CEP41: variants seen among roughly 807,000 people sequenced by gnomAD.
The protein encoded by CEP41 is centrosomal protein of 41 kDa.
Under a neutral mutation model 44.3 loss-of-function variants are expected in CEP41, and 32 were observed. That is an observed-to-expected ratio of 0.72 (90% CI 0.54 to 0.97). The LOEUF (loss-of-function observed/expected upper bound fraction) is 0.97, where lower values mean the gene tolerates loss of function less well. CEP41 is among the 50% of genes least tolerant of loss of function. The probability of loss-of-function intolerance (pLI) is 0.00; values close to 1 mark genes in which losing one functional copy is unlikely to be tolerated. For missense variants in CEP41, 432 were observed against 455.2 expected (o/e 0.95, Z 0.46); for synonymous variants, 151 against 168.5 (o/e 0.90, Z 0.80).
intron 1 of CEP41, 34 bp from the exon 2 acceptor site, chr7:130,428,052 T>C (rs1797715667): frequency 7.3e-7 from 1 of 1,372,652 alleles, no homozygotes; most frequent in Non-Finnish European, 1.0e-6. Flanking sequence ...TTAATTGGGT[T>C]AATGTAAGGA....
chr7:130,405,812 A>C (rs1796991112), intron 5 of CEP41, among the ~76,000 whole-genome samples: 1 of 152,238 alleles, frequency 6.6e-6, no homozygotes, highest in Non-Finnish European at 1.5e-5. Context: ...AGAAACTAGC[A>C]GTTGTCAAGT....
chr7:130,414,824 A>C (rs1215831835), intron 3 of CEP41, among the ~76,000 whole-genome samples: 1 of 152,280 alleles, frequency 6.6e-6, no homozygotes, highest in Non-Finnish European at 1.5e-5. Flanking sequence ...CTGTCCTCGC[A>C]AGAGCGAACA....
intron 1 of CEP41, among the ~76,000 whole-genome samples, chr7:130,430,299 A>C (rs782525688): frequency 7.9e-5 from 12 of 152,196 alleles, no homozygotes; most frequent in Non-Finnish European, 1.8e-4. Flanking sequence ...AAAATCCCAG[A>C]GTGAAAGGGT....
chr7:130,394,823 A>G lies in CEP41; in HGVS notation c.*4068T>C. ...GGTGATTTTCACTCTCTGGGAGCTT[A>G]TAGTCAAAATAATTGCAACAGGAAG... On this transcript the variant is annotated 3_prime_UTR_variant, in exon 11 of 11. Coordinates refer to ENST00000223208, the MANE Select transcript of CEP41 (RefSeq NM_018718.3). 1 of 454,134 alleles carries G rather than the reference A, an allele frequency of 2.2e-6. No homozygotes were observed. The highest frequency in any genetic ancestry group is 4.4e-6 in the Non-Finnish European group (1 of 226,782). The allele number at this position is 454,134 out of a possible 1,614,324, so 28.1% of individuals were successfully genotyped here.
Position 130,398,205 on chromosome 7 carries a change from T to C in CEP41, c.*686A>G, listed in dbSNP as rs1796728008. ...CCTCCCCGGTGTGAAGACACCCACA[T>C]GCATACCTTTCTGGCTCCAGGAAAT... is the stretch of plus-strand genomic sequence containing the variant. On this transcript the variant is annotated 3_prime_UTR_variant, in exon 11 of 11. Transcript: ENST00000223208. The C allele has an allele frequency of 2.2e-6, 1 of 453,930 alleles. No homozygotes were observed. Among genetic ancestry groups the C allele is most frequent in the African/African-American group, 2.0e-5 (1 of 50,020 alleles). 28.1% of individuals were successfully genotyped at this position (453,930 alleles called of 1,614,324 possible). A position where few individuals can be genotyped will look rare whatever the true frequency, so the allele number is the denominator to read the frequency against.
rs1309424611 is a variant in CEP41 at position 130,411,141 on chromosome 7, C to T, written c.258G>A (p.Glu86=). ...LSDQTLEVTA[E]EIQRLEDNDS... ...CATTACCTTCCAGCCTTTGAATCTC[C>T]TCAGCTGTCACTTCCAGTGTTTGAT... Residue 86 remains glutamate, a synonymous_variant, in exon 5 of 11, where the codon GAG becomes GAA. Transcript: ENST00000223208. 1 of 1,614,116 alleles carries T rather than the reference C, an allele frequency of 6.2e-7. No individual in the cohort carries two copies. Among genetic ancestry groups the T allele is most frequent in the African/African-American group, 1.3e-5 (1 of 75,056 alleles).
Position 130,398,483 on chromosome 7 carries a change from G to A in CEP41, c.*408C>T. On this transcript the variant is annotated 3_prime_UTR_variant, in exon 11 of 11. Transcript: ENST00000223208. ...CTTCATGAAGTCAAGAACAGTGAAT[G>A]AAAAGGTGGCAGGGACAGGCACACG... The A allele has an allele frequency of 2.2e-6, 1 of 455,304 alleles. No individual in the cohort carries two copies. Among genetic ancestry groups the A allele is most frequent in the Non-Finnish European group, 4.4e-6 (1 of 227,614 alleles). 28.2% of individuals were successfully genotyped at this position (455,304 alleles called of 1,614,324 possible).
At chr7:130,407,062 T>C (rs550844885) in intron 5 of CEP41, among the ~76,000 whole-genome samples, 1 of 152,146 alleles carries the variant, frequency 6.6e-6, no homozygotes, top group Admixed American at 6.5e-5. Context: ...AAATCCTTTA[T>C]AGGACTTACA....
rs1286397788 is a variant in CEP41 at position 130,398,720 on chromosome 7, G to A, written c.*171C>T. 9 of 827,438 alleles carry A rather than the reference G, an allele frequency of 1.1e-5. No individual in the cohort carries two copies. The Admixed American group carries it at 1.4e-4, about 13-fold the overall frequency. The allele number at this position is 827,438 out of a possible 1,614,324, so 51.3% of individuals were successfully genotyped here. A position where few individuals can be genotyped will look rare whatever the true frequency, so the allele number is the denominator to read the frequency against. The stretch of plus-strand genomic sequence containing the variant: ...GTCACCTGTCAAAATCCTTCCTGAG[G>A]TGGCCTCCTGAGGGGAGAGGAACTG... On this transcript the variant is annotated 3_prime_UTR_variant, in exon 11 of 11. Transcript: ENST00000223208.
intron 2 of CEP41, chr7:130,426,644 A>C (rs1554423569): frequency 2.2e-6 from 1 of 456,204 alleles, no homozygotes; most frequent in Non-Finnish European, 4.4e-6. Context: ...AGAATCACTT[A>C]CTTCAGAAGG....
At chr7:130,417,201 C>G (rs1797363986) in intron 2 of CEP41, 2 of 1,331,472 alleles carry the variant, frequency 1.5e-6, no homozygotes, top group Non-Finnish European at 1.9e-6. Context: ...GGGATGCATA[C>G]CCCCAAAACA....
At chr7:130,419,079 T>G (rs1797421838) in intron 2 of CEP41, 2 of 985,332 alleles carry the variant, frequency 2.0e-6, no homozygotes, top group Non-Finnish European at 2.4e-6. Flanking sequence ...CACTTTATTT[T>G]GTATCAGCTG....
At position 130,422,202 on chromosome 7, in the gene CEP41, G is replaced by A. The variant is rs553396826; in HGVS notation, c.98-5236C>T. ...TTTGGGTGAAGACAGGAGATATCAC[G>A]AAATTCTTGATTTCTTGTGATTACT... On this transcript the variant is annotated intron_variant, in intron 2 of 10. Coordinates refer to ENST00000223208, the MANE Select transcript of CEP41 (RefSeq NM_018718.3). Among the ~76,000 whole-genome samples the A allele has an allele frequency of 6.6e-5, 10 of 152,308 alleles. No homozygotes were observed. The South Asian group carries it at 1.0e-3, about 16-fold the overall frequency.
intron 1 of CEP41, among the ~76,000 whole-genome samples, chr7:130,435,039 A>G (rs1464048754): frequency 2.6e-5 from 4 of 152,188 alleles, no homozygotes; most frequent in South Asian, 4.1e-4. Context: ...TGACATGGAA[A>G]GATCTCCAGG....
intron 3 of CEP41, among the ~76,000 whole-genome samples, chr7:130,412,546 G>A (rs1797215043): frequency 6.6e-6 from 1 of 151,968 alleles, no homozygotes; most frequent in African/African-American, 2.4e-5. Flanking sequence ...TCTCTACTTC[G>A]ACCACATTGT....
At chr7:130,424,763 A>G (rs1486247587) in intron 2 of CEP41, among the ~76,000 whole-genome samples, 2 of 151,774 alleles carry the variant, frequency 1.3e-5, no homozygotes, top group East Asian at 1.9e-4. Context: ...ATCATGGTAG[A>G]AAAAAAAATC....
intron 1 of CEP41, among the ~76,000 whole-genome samples, chr7:130,436,319 A>C (rs941563936): frequency 3.3e-5 from 5 of 152,112 alleles, no homozygotes; most frequent in African/African-American, 9.7e-5. Flanking sequence ...AAGGTCACAT[A>C]CTGTATGATT....
intron 4 of CEP41, chr7:130,411,958 C>A: frequency 4.1e-6 from 2 of 482,354 alleles, no homozygotes; most frequent in Non-Finnish European, 3.7e-6. Context: ...GTAGGGCAAA[C>A]ATTTACTTTA....
chr7:130,398,292 A>G lies in CEP41; in HGVS notation c.*599T>C. On this transcript the variant is annotated 3_prime_UTR_variant, in exon 11 of 11. Transcript: ENST00000223208. The stretch of plus-strand genomic sequence containing the variant: ...ACTTTCCTCATCTTCAATTTCAGTG[A>G]GTACACAGGCACTGGCTTCCATACT... The G allele has an allele frequency of 2.2e-6, 1 of 454,120 alleles. No individual in the cohort carries two copies. Among genetic ancestry groups the G allele is most frequent in the Non-Finnish European group, 4.4e-6 (1 of 226,790 alleles). 28.1% of individuals were successfully genotyped at this position (454,120 alleles called of 1,614,324 possible).
Sources: gnomAD v4.1 joint callset for allele counts (sites outside exome capture counted in the v4.1 genomes callset) on GRCh38, gnomAD v4.1.1 for gene constraint, MANE v1.5 for transcripts, NCBI Gene and HGNC (gene_info 2026-07-23, HGNC 2026-07-21) for gene names.